The following BMPR1B variants were observed in gnomAD, a reference collection of about 807,000 sequenced individuals.
The protein encoded by BMPR1B is bone morphogenetic protein receptor type 1B, also known as bone morphogenetic protein receptor type-1B.
Under a neutral mutation model 59.1 loss-of-function variants are expected in BMPR1B, and 12 were observed. The ratio of observed to expected loss-of-function variants is 0.20; its 90% CI spans 0.13 to 0.33. The LOEUF is 0.33. Among genes scored for constraint, BMPR1B ranks in the 10% least tolerant of loss-of-function variants. The pLI, the probability that BMPR1B is intolerant of heterozygous loss-of-function variation, is 1.00. For synonymous variants in BMPR1B, 237 were observed against 207.3 expected, an observed-to-expected ratio of 1.14 and a Z score of -1.23; for missense variants, 550 against 610.9, an observed-to-expected ratio of 0.90 and a Z score of 1.05.
intron 2 of BMPR1B, among the ~76,000 whole-genome samples, chr4:94,937,157 A>C (rs1416560132): frequency 6.6e-6 from 1 of 152,058 alleles, no homozygotes; most frequent in Admixed American, 6.5e-5. Flanking sequence ...CTGCTCACTC[A>C]TTCATCATTT....
chr4:94,974,366 A>AT (rs11344409), intron 2 of BMPR1B, among the ~76,000 whole-genome samples: 54 of 151,662 alleles, frequency 3.6e-4, no homozygotes, highest in Non-Finnish European at 6.5e-4. Flanking sequence ...TTCAAATATC[A>AT]TTTTTTTTCA....
chr4:94,998,896 T>G (rs1317615592), intron 3 of BMPR1B, among the ~76,000 whole-genome samples: 1 of 152,206 alleles, frequency 6.6e-6, no homozygotes, highest in Non-Finnish European at 1.5e-5. Flanking sequence ...AATATTCCCC[T>G]TTCTCTCCAT....
At chr4:95,014,799 G>C (rs555199985) in intron 3 of BMPR1B, among the ~76,000 whole-genome samples, 8 of 152,244 alleles carry the variant, frequency 5.3e-5, no homozygotes, top group Admixed American at 3.9e-4. Context: ...TCAAGATTCG[G>C]ACCTTTTTGA....
At chr4:95,024,060 C>A (rs567139654) in intron 3 of BMPR1B, among the ~76,000 whole-genome samples, 1 of 152,244 alleles carries the variant, frequency 6.6e-6, no homozygotes, top group Admixed American at 6.5e-5. Flanking sequence ...ATTTTAAAAT[C>A]CAGCAAGATG....
intron 2 of BMPR1B, among the ~76,000 whole-genome samples, chr4:94,908,759 G>A (rs750727262): frequency 1.3e-4 from 20 of 152,004 alleles, no homozygotes; most frequent in Admixed American, 2.6e-4. Context: ...ATTCACCGAA[G>A]TCAGATATCT....
intron 1 of BMPR1B, among the ~76,000 whole-genome samples, chr4:94,789,812 T>A (rs959140016): frequency 2.0e-5 from 3 of 151,920 alleles, no homozygotes; most frequent in Non-Finnish European, 4.4e-5. Flanking sequence ...ATAAAAAATA[T>A]ACATTTGACC....
intron 2 of BMPR1B, among the ~76,000 whole-genome samples, chr4:94,970,773 T>C (rs1460679047): frequency 6.6e-6 from 1 of 152,216 alleles, no homozygotes; most frequent in African/African-American, 2.4e-5. Context: ...CACCTATCAT[T>C]TCTTTGTTTT....
intron 1 of BMPR1B, among the ~76,000 whole-genome samples, chr4:94,857,119 A>C (rs1287364571): frequency 6.6e-6 from 1 of 152,126 alleles, no homozygotes; most frequent in Non-Finnish European, 1.5e-5. Flanking sequence ...AGAATGAGAT[A>C]AAAAAGTATG....
At position 95,131,316 on chromosome 4, in the gene BMPR1B, A is replaced by G. The variant is rs1036047901; in HGVS notation, c.880A>G (p.Thr294Ala). The stretch of plus-strand genomic sequence containing the variant: ...TTCCCTTTATGATTATCTGAAGTCC[A>G]CCACCCTAGACGCTAAATCAATGCT... The part of the protein sequence containing the change: ...NGSLYDYLKS[T>A]TLDAKSMLKL... Residue 294 changes from threonine to alanine, a missense_variant, in exon 10 of 13, where the codon ACC becomes GCC. Coordinates refer to ENST00000515059, the MANE Select transcript of BMPR1B (RefSeq NM_001203.3). 2 of 1,614,036 alleles carry G rather than the reference A, an allele frequency of 1.2e-6. No homozygotes were observed. Among genetic ancestry groups the G allele is most frequent in the Non-Finnish European group, 1.7e-6 (2 of 1,180,000 alleles).
chr4:94,860,541 T>A (rs1220499994), intron 1 of BMPR1B, among the ~76,000 whole-genome samples: 1 of 152,212 alleles, frequency 6.6e-6, no homozygotes, highest in Non-Finnish European at 1.5e-5. Flanking sequence ...AGGATTCAAT[T>A]TATGGACTTT....
At chr4:94,773,210 A>G (rs1722250187) in intron 1 of BMPR1B, among the ~76,000 whole-genome samples, 1 of 152,158 alleles carries the variant, frequency 6.6e-6, no homozygotes, top group Admixed American at 6.5e-5. Context: ...TGGACTGATC[A>G]CTTAAAATGG....
chr4:94,824,156 G>T (rs928778942), intron 1 of BMPR1B, among the ~76,000 whole-genome samples: 1 of 152,312 alleles, frequency 6.6e-6, no homozygotes, highest in Non-Finnish European at 1.5e-5. Context: ...AGCATTTAAA[G>T]ATACTAACAT....
chr4:94,883,102 G>T (rs557876057), intron 2 of BMPR1B, among the ~76,000 whole-genome samples: 3 of 152,020 alleles, frequency 2.0e-5, no homozygotes, highest in Admixed American at 1.3e-4. Flanking sequence ...TCATCCCAGA[G>T]AGCCTTGAAA....
At chr4:94,912,038 A>G (rs1226397583) in intron 2 of BMPR1B, among the ~76,000 whole-genome samples, 1 of 152,270 alleles carries the variant, frequency 6.6e-6, no homozygotes, top group Non-Finnish European at 1.5e-5. Flanking sequence ...GTGGAAGGCA[A>G]TGAAGAGCAC....
chr4:94,916,074 G>A (rs1436071893), intron 2 of BMPR1B, among the ~76,000 whole-genome samples: 1 of 152,166 alleles, frequency 6.6e-6, no homozygotes, highest in African/African-American at 2.4e-5. Flanking sequence ...CACACTTTCT[G>A]TATAGCCTGC....
At chr4:95,136,382 G>T (rs1048579409) in intron 10 of BMPR1B, among the ~76,000 whole-genome samples, 10 of 152,118 alleles carry the variant, frequency 6.6e-5, no homozygotes, top group African/African-American at 2.2e-4. Context: ...TTTTTTTGTT[G>T]TGTCTCTGCC....
intron 3 of BMPR1B, among the ~76,000 whole-genome samples, chr4:95,098,571 T>A (rs1730594565): frequency 6.6e-6 from 1 of 152,070 alleles, no homozygotes. Context: ...ATTTTTATTA[T>A]ACTTTAAGTT....
At chr4:94,841,114 G>T (rs967101526) in intron 1 of BMPR1B, among the ~76,000 whole-genome samples, 1 of 148,998 alleles carries the variant, frequency 6.7e-6, no homozygotes, top group Non-Finnish European at 1.5e-5. Flanking sequence ...GAGGCAGTCT[G>T]CCCGTTCTCA....
At chr4:95,091,324 T>C (rs1729972425) in intron 3 of BMPR1B, 4 of 297,988 alleles carry the variant, frequency 1.3e-5, no homozygotes, top group Non-Finnish European at 2.0e-5. Flanking sequence ...AGGTTTCTTT[T>C]CTTTTTTACC....
Sources: allele counts gnomAD v4.1 joint callset (sites outside exome capture counted in the v4.1 genomes callset), GRCh38; gene constraint gnomAD v4.1.1; transcripts MANE v1.5; gene names NCBI Gene and HGNC (gene_info 2026-07-23, HGNC 2026-07-21).